Variants in KIAA1217 observed in about 807,000 individuals in gnomAD.
The protein encoded by KIAA1217 is KIAA1217.
In KIAA1217, 88 loss-of-function variants were observed where a neutral mutation model predicts 163.9. That is an observed-to-expected ratio of 0.54 (90% CI 0.45 to 0.64). The LOEUF is 0.64. Among genes scored for constraint, KIAA1217 ranks in the 30% least tolerant of loss-of-function variants. KIAA1217 has a pLI of 0.00. For missense variants in KIAA1217, 2,372 were observed against 2,475.0 expected, an observed-to-expected ratio of 0.96 and a Z score of 0.88; for synonymous variants, 903 against 923.1, an observed-to-expected ratio of 0.98 and a Z score of 0.39.
chr10:23,834,418 A>G (rs957895408), intron 1 of KIAA1217, among the ~76,000 whole-genome samples: 2 of 152,210 alleles, frequency 1.3e-5, no homozygotes, highest in Non-Finnish European at 2.9e-5. Flanking sequence ...TTGAGTTACC[A>G]GTATATTCTA....
intron 1 of KIAA1217, among the ~76,000 whole-genome samples, chr10:23,845,460 T>C (rs1250874391): frequency 6.6e-6 from 1 of 152,236 alleles, no homozygotes; most frequent in African/African-American, 2.4e-5. Context: ...CTCATTGTGG[T>C]TTTGATTTGC....
Position 24,529,944 on chromosome 10 carries a change from C to A in KIAA1217, c.3082+1825C>A, listed in dbSNP as rs192777036. 3.3e-3 allele frequency among the ~76,000 whole-genome samples: 502 copies of A among 151,816 alleles called. 4 individuals carry two copies. The highest frequency in any genetic ancestry group is 0.012 in the African/African-American group (480 of 41,370). ...TCCCAAATAGCTAGCATTACAGGCACCCACCACCACGCCTAGCTAATTTTT... is the reference window on the plus strand; with the variant it reads ...TCCCAAATAGCTAGCATTACAGGCAACCACCACCACGCCTAGCTAATTTTT... On this transcript the variant is annotated intron_variant, in intron 14 of 20. Coordinates refer to ENST00000376454, the MANE Select transcript of KIAA1217 (RefSeq NM_019590.5).
intron 2 of KIAA1217, among the ~76,000 whole-genome samples, chr10:24,345,626 C>T (rs1301068194): frequency 6.6e-6 from 1 of 152,190 alleles, no homozygotes; most frequent in Non-Finnish European, 1.5e-5. Flanking sequence ...CAAGGAATTG[C>T]CTCTGCAACA....
At chr10:23,922,458 C>T (rs955692878) in intron 1 of KIAA1217, among the ~76,000 whole-genome samples, 2 of 152,154 alleles carry the variant, frequency 1.3e-5, no homozygotes. Flanking sequence ...GTAATCAAGT[C>T]AGACCTAAGT....
At chr10:24,057,121 C>G (rs2060557440) in intron 2 of KIAA1217, among the ~76,000 whole-genome samples, 1 of 152,040 alleles carries the variant, frequency 6.6e-6, no homozygotes, top group South Asian at 2.1e-4. Context: ...ATGGCACACA[C>G]CTGTAGTCCC....
intron 1 of KIAA1217, among the ~76,000 whole-genome samples, chr10:23,952,743 C>T (rs1020918868): frequency 2.0e-5 from 3 of 152,162 alleles, no homozygotes; most frequent in Non-Finnish European, 2.9e-5. Flanking sequence ...AGATGTATGT[C>T]AACATACTTG....
At chr10:24,131,434 C>G (rs2063648076) in intron 2 of KIAA1217, among the ~76,000 whole-genome samples, 1 of 152,062 alleles carries the variant, frequency 6.6e-6, no homozygotes, top group Admixed American at 6.5e-5. Flanking sequence ...AACATTTTCA[C>G]AAAAATAGTG....
At chr10:24,030,194 T>A (rs550933524) in intron 2 of KIAA1217, among the ~76,000 whole-genome samples, 1 of 152,342 alleles carries the variant, frequency 6.6e-6, no homozygotes, top group East Asian at 1.9e-4. Context: ...TGTGCAGTTC[T>A]ATGGCATTAT....
In KIAA1217 at chr10:24,031,827, T is replaced by C. The variant is rs1848198554; in HGVS notation, c.-171+24453T>C. On this transcript the variant is annotated intron_variant, in intron 2 of 18. Transcript: ENST00000376462. The stretch of plus-strand genomic sequence containing the variant: ...ATCACATGATTTTCAAAATCTTTAA[T>C]GGACTCACTTTCTCCTTACTCAAGC... 2.0e-5 allele frequency among the ~76,000 whole-genome samples: 3 copies of C among 152,210 alleles called. No individual in the cohort carries two copies. The South Asian group carries it at 6.2e-4, about 32-fold the overall frequency.
At position 23,751,186 on chromosome 10, in the gene KIAA1217, CCGGG is replaced by C. The variant is rs1340293422; in HGVS notation, c.-321+55954_-321+55957del. 2.0e-5 allele frequency among the ~76,000 whole-genome samples: 3 copies of C among 152,104 alleles called. No individual in the cohort carries two copies. The East Asian group carries it at 5.8e-4, about 29-fold the overall frequency. The stretch of plus-strand genomic sequence containing the variant: ...GAGATTACAGGTGCATGCCACCTTG[CCGGG>C]CTGAATTTTTTATTTTTAGTAAAGC... On this transcript the variant is annotated intron_variant, in intron 1 of 18. Coordinates refer to the KIAA1217 transcript ENST00000376462.
At chr10:23,970,879 T>C (rs1845285251) in intron 1 of KIAA1217, among the ~76,000 whole-genome samples, 1 of 152,162 alleles carries the variant, frequency 6.6e-6, no homozygotes, top group South Asian at 2.1e-4. Flanking sequence ...TCTTGCCTCC[T>C]CAGGAGAAAT....
In KIAA1217 at chr10:24,501,539, G is replaced by C. The variant is rs1335434800; in HGVS notation, c.1995G>C (p.Gln665His). 5.6e-6 allele frequency: 9 copies of C among 1,612,678 alleles called. No homozygotes were observed. The highest frequency in any genetic ancestry group is 1.3e-5 in the African/African-American group (1 of 74,802). Reference protein sequence around the residue: ...ELRLQLQQMRQLQLQNQELLR... With the variant: ...ELRLQLQQMRHLQLQNQELLR... ...GGCTCCAGCTCCAGCAGATGCGGCA[G>C]CTCCAGGTATTCCTCATGCACGGCG... Residue 665 changes from glutamine (Q) to histidine (H), a missense_variant, in exon 9 of 21, where the codon CAG becomes CAC. Transcript: ENST00000376454.
chr10:24,111,420 G>A (rs189564650), intron 2 of KIAA1217, among the ~76,000 whole-genome samples: 8 of 149,794 alleles, frequency 5.3e-5, no homozygotes, highest in East Asian at 1.9e-4. Flanking sequence ...AGATATCTCC[G>A]TCCTTAAGGC....
intron 1 of KIAA1217, among the ~76,000 whole-genome samples, chr10:23,797,529 A>G (rs1836263414): frequency 6.6e-6 from 1 of 152,186 alleles, no homozygotes; most frequent in Non-Finnish European, 1.5e-5. Context: ...AAGAAGTTTA[A>G]TTGACTCACA....
intron 1 of KIAA1217, among the ~76,000 whole-genome samples, chr10:23,867,386 A>T (rs1183391067): frequency 1.3e-5 from 2 of 152,212 alleles, no homozygotes; most frequent in South Asian, 2.1e-4. Flanking sequence ...TGGCTGGGTC[A>T]AATGGTATTT....
chr10:24,229,276 T>C (rs2071032533), intron 2 of KIAA1217, among the ~76,000 whole-genome samples: 1 of 152,202 alleles, frequency 6.6e-6, no homozygotes, highest in African/African-American at 2.4e-5. Flanking sequence ...ACAAGGCTAA[T>C]GTTGTAGAAA....
intron 2 of KIAA1217, among the ~76,000 whole-genome samples, chr10:24,191,819 C>T (rs895554153): frequency 1.3e-5 from 2 of 152,146 alleles, no homozygotes; most frequent in Admixed American, 1.3e-4. Context: ...AATGGCGCAA[C>T]CTCAACTCAC....
chr10:24,195,776 T>C (rs1428139513), intron 2 of KIAA1217, among the ~76,000 whole-genome samples: 1 of 152,202 alleles, frequency 6.6e-6, no homozygotes, highest in African/African-American at 2.4e-5. Flanking sequence ...GGAAAGGTTT[T>C]GCTTTGGTTT....
At chr10:24,366,630 T>C (rs1031604689) in intron 2 of KIAA1217, among the ~76,000 whole-genome samples, 8 of 152,204 alleles carry the variant, frequency 5.3e-5, no homozygotes, top group Non-Finnish European at 1.2e-4. Context: ...ACCTTGGGTG[T>C]GCCCTCCTGC....
Sources: allele counts gnomAD v4.1 joint callset (sites outside exome capture counted in the v4.1 genomes callset), GRCh38; gene constraint gnomAD v4.1.1; transcripts MANE v1.5; gene names NCBI Gene and HGNC (gene_info 2026-07-23, HGNC 2026-07-21).